ITGB6: variants seen among roughly 807,000 people sequenced by gnomAD.
ITGB6 encodes the protein integrin beta-6.
ITGB6 carries 80 observed loss-of-function variants against 84.5 expected under a neutral mutation model. That is an observed-to-expected ratio of 0.95 (90% CI 0.79 to 1.14). The LOEUF (loss-of-function observed/expected upper bound fraction) is 1.14. Among genes scored for constraint, ITGB6 ranks in the 50% most tolerant of loss-of-function variants. ITGB6 has a pLI of 0.00. For synonymous variants in ITGB6, 383 were observed against 354.9 expected, an observed-to-expected ratio of 1.08 and a Z score of -0.89; for missense variants, 1,006 against 968.0, an observed-to-expected ratio of 1.04 and a Z score of -0.52.
chr2:160,111,828 C>T (rs1321453855), intron 13 of ITGB6, among the ~76,000 whole-genome samples: 4 of 152,098 alleles, frequency 2.6e-5, no homozygotes, highest in African/African-American at 9.7e-5. Context: ...GACCCACCCT[C>T]CTCGGCCTCC....
At chr2:160,110,641 T>A in intron 13 of ITGB6, among the ~76,000 whole-genome samples, 1 of 152,154 alleles carries the variant, frequency 6.6e-6, no homozygotes, top group East Asian at 1.9e-4. Flanking sequence ...GCCACCTGTG[T>A]CCACAAGCAC....
chr2:160,200,205 T>C lies in ITGB6; in HGVS notation c.-142A>G. 3.2e-6 allele frequency: 2 copies of C among 633,448 alleles called. No homozygotes were observed. The highest frequency in any genetic ancestry group is 5.4e-6 in the Non-Finnish European group (2 of 372,730). 39.2% of individuals were successfully genotyped at this position (633,448 alleles called of 1,614,324 possible). ...ACTTACACTGCTTTGAAAAGAAACT[T>C]GAGATATAAGTTAGAAAGTTTTCAT... is the stretch of plus-strand genomic sequence containing the variant. On this transcript the variant is annotated 5_prime_UTR_variant, in exon 1 of 15. Transcript: ENST00000283249.
intron 3 of ITGB6, 54 bp from the exon 4 acceptor site, chr2:160,195,669 G>C: frequency 1.2e-6 from 2 of 1,603,074 alleles, no homozygotes; most frequent in Non-Finnish European, 8.5e-7. Flanking sequence ...AGATTTATTT[G>C]CTACTGGCCA....
At chr2:160,178,428 T>C (rs144359218) in intron 4 of ITGB6, among the ~76,000 whole-genome samples, 303 of 152,354 alleles carry the variant, frequency 2.0e-3, no homozygotes, top group Non-Finnish European at 3.7e-3. Context: ...TCCACAGAGG[T>C]AGCAGTCCTA....
intron 4 of ITGB6, among the ~76,000 whole-genome samples, chr2:160,175,804 A>G (rs976606715): frequency 2.6e-5 from 4 of 152,204 alleles, no homozygotes; most frequent in Non-Finnish European, 4.4e-5. Context: ...GTGATTTGTT[A>G]ATGAAAATGT....
At chr2:160,135,117 C>A (rs1228621824) in intron 10 of ITGB6, among the ~76,000 whole-genome samples, 1 of 151,156 alleles carries the variant, frequency 6.6e-6, no homozygotes, top group African/African-American at 2.4e-5. Flanking sequence ...GTCAAATTGT[C>A]CCTGTTTGCA....
chr2:160,168,970 TC>T (rs1343545713), intron 7 of ITGB6, among the ~76,000 whole-genome samples: 1 of 152,224 alleles, frequency 6.6e-6, no homozygotes, highest in Non-Finnish European at 1.5e-5. Flanking sequence ...CATATCTGTT[TC>T]ATTTCCTTAA....
chr2:160,114,629 T>C (rs1042457348), intron 12 of ITGB6, among the ~76,000 whole-genome samples: 3 of 152,134 alleles, frequency 2.0e-5, no homozygotes, highest in African/African-American at 7.2e-5. Context: ...CGGGTTCATC[T>C]CACTAGGGAG....
At chr2:160,141,159 G>C (rs866467482) in intron 8 of ITGB6, among the ~76,000 whole-genome samples, 1 of 151,834 alleles carries the variant, frequency 6.6e-6, no homozygotes, top group Non-Finnish European at 1.5e-5. Flanking sequence ...GTAAATAGTA[G>C]AGCTTTACTC....
At chr2:160,149,883 A>G (rs1684343770) in intron 7 of ITGB6, among the ~76,000 whole-genome samples, 2 of 152,202 alleles carry the variant, frequency 1.3e-5, no homozygotes, top group Admixed American at 1.3e-4. Context: ...TTAATAAAAT[A>G]AAGTGAGAAA....
At chr2:160,141,878 ACT>A (rs755375819) in intron 8 of ITGB6, 102 bp downstream of exon 8, 51 of 686,184 alleles carry the variant, frequency 7.4e-5, no homozygotes, top group Non-Finnish European at 1.1e-4. Context: ...TTGGATAAGC[ACT>A]CTCTCTACCA....
intron 10 of ITGB6, among the ~76,000 whole-genome samples, chr2:160,132,638 A>G (rs1420111369): frequency 6.6e-6 from 1 of 152,160 alleles, no homozygotes; most frequent in African/African-American, 2.4e-5. Flanking sequence ...TTCAGTTAAT[A>G]TTTCAATCTA....
At chr2:160,131,629 T>G (rs2105808571) in intron 10 of ITGB6, among the ~76,000 whole-genome samples, 1 of 152,298 alleles carries the variant, frequency 6.6e-6, no homozygotes, top group East Asian at 1.9e-4. Context: ...ATTATACCAT[T>G]TGAAAGAAAA....
intron 4 of ITGB6, among the ~76,000 whole-genome samples, chr2:160,178,688 C>CTCTCT (rs1553486638): frequency 1.9e-5 from 2 of 103,730 alleles, no homozygotes; most frequent in African/African-American, 6.9e-5. Context: ...CTCTCTCTCT[C>CTCTCT]TTTTTTTTTT....
chr2:160,137,201 C>T (rs1432665472), intron 10 of ITGB6, among the ~76,000 whole-genome samples: 1 of 152,142 alleles, frequency 6.6e-6, no homozygotes, highest in Non-Finnish European at 1.5e-5. Context: ...CTTTCATCTA[C>T]GCTTAGGGAA....
Position 160,137,733 on chromosome 2 carries a change from C to T in ITGB6, c.1361G>A (p.Cys454Tyr). 6.2e-7 allele frequency: 1 copy of T among 1,614,196 alleles called. No individual in the cohort carries two copies. Among genetic ancestry groups the T allele is most frequent in the Non-Finnish European group, 8.5e-7 (1 of 1,180,036 alleles). ...CACTTCCACTTCTTTCTGACAGTCG[C>T]AGTTGCATTCTGGGCTGACAAGTAA... ...LELLVSPECN[C>Y]DCQKEVEVNS... Residue 454 changes from cysteine (C) to tyrosine (Y), a missense_variant, in exon 10 of 15, where the codon TGC (cysteine) becomes TAC (tyrosine). Physicochemically the swap from Cys to Tyr is radical, Grantham distance 194 (BLOSUM62 -2). Transcript: ENST00000283249.
chr2:160,150,898 G>T (rs1242075877), intron 7 of ITGB6, among the ~76,000 whole-genome samples: 1 of 152,136 alleles, frequency 6.6e-6, no homozygotes, highest in African/African-American at 2.4e-5. Context: ...TCAACAAGAA[G>T]AGCTAACTAT....
intron 4 of ITGB6, among the ~76,000 whole-genome samples, chr2:160,184,819 T>C (rs911919778): frequency 6.6e-6 from 1 of 152,164 alleles, no homozygotes; most frequent in Admixed American, 6.5e-5. Context: ...GCAAGGCTGG[T>C]TCAACATACA....
intron 4 of ITGB6, among the ~76,000 whole-genome samples, chr2:160,184,336 G>T (rs1300121764): frequency 6.6e-6 from 1 of 152,158 alleles, no homozygotes; most frequent in Non-Finnish European, 1.5e-5. Flanking sequence ...TACCACCAGT[G>T]AATACTATAA....
Sources: allele counts gnomAD v4.1 joint callset (sites outside exome capture counted in the v4.1 genomes callset), GRCh38; gene constraint gnomAD v4.1.1; transcripts MANE v1.5; gene names NCBI Gene and HGNC (gene_info 2026-07-23, HGNC 2026-07-21).